The following ERICH3 variants were observed in gnomAD, a reference collection of about 807,000 sequenced individuals.
The protein encoded by ERICH3 is glutamate-rich protein 3.
In ERICH3, 126 loss-of-function variants were observed where a neutral mutation model predicts 131.1. That is an observed-to-expected ratio of 0.96 (90% CI 0.83 to 1.11). ERICH3 has a LOEUF of 1.11. ERICH3 is among the 50% of genes most tolerant of loss of function. ERICH3 has a pLI of 0.00. For synonymous variants in ERICH3, 695 were observed against 644.6 expected (o/e 1.08, Z -1.18); for missense variants, 2,050 against 1,810.7 (o/e 1.13, Z -2.40).
chr1:74,667,839 A>G (rs1206916797), intron 1 of ERICH3, among the ~76,000 whole-genome samples: 2 of 152,024 alleles, frequency 1.3e-5, no homozygotes, highest in Non-Finnish European at 2.9e-5. Flanking sequence ...CCCAAATCTC[A>G]TCTTCAATTT....
chr1:74,652,984 C>A (rs1314131917), intron 1 of ERICH3, among the ~76,000 whole-genome samples: 1 of 152,148 alleles, frequency 6.6e-6, no homozygotes, highest in African/African-American at 2.4e-5. Flanking sequence ...CACTTCAGTG[C>A]ACACACCACA....
At chr1:74,670,409 T>C (rs967600649) in intron 1 of ERICH3, among the ~76,000 whole-genome samples, 8 of 152,268 alleles carry the variant, frequency 5.3e-5, no homozygotes, top group Non-Finnish European at 8.8e-5. Flanking sequence ...TTACCCTTCC[T>C]AGCAATGCTA....
At position 74,599,787 on chromosome 1, in the gene ERICH3, T is replaced by A; in HGVS notation, c.1634A>T (p.Glu545Val). The A allele has an allele frequency of 6.2e-7, 1 of 1,612,594 alleles. No individual in the cohort carries two copies. The highest frequency in any genetic ancestry group is 8.5e-7 in the Non-Finnish European group (1 of 1,179,056). ...ATCTGGTGCCTTCTGTGATGAGGTT[T>A]CACTCTCTTTTTCAGGGTCTAAATT... Reference protein sequence around the residue: ...KDNLDPEKESETSSQKAPDAR... With the variant: ...KDNLDPEKESVTSSQKAPDAR... Residue 545 changes from glutamate (E) to valine (V), a missense_variant, in exon 11 of 15, where the codon GAA (glutamate) becomes GTA (valine). Transcript: ENST00000326665.
intron 12 of ERICH3, chr1:74,586,383 C>A: frequency 1.0e-6 from 1 of 973,224 alleles, no homozygotes; most frequent in Non-Finnish European, 1.2e-6. Flanking sequence ...TATCTACCTA[C>A]CTATAATTTC....
intron 11 of ERICH3, among the ~76,000 whole-genome samples, chr1:74,598,672 C>A (rs1277403233): frequency 6.6e-6 from 1 of 151,696 alleles, no homozygotes; most frequent in African/African-American, 2.4e-5. Flanking sequence ...GATGCTCAAC[C>A]CACCAGGAGT....
At position 74,650,877 on chromosome 1, in the gene ERICH3, T is replaced by C. The variant is rs1383007639; in HGVS notation, c.24-1562A>G. ...GTGTGTGTGTGTGTGTGTATACTTA[T>C]ATACACATAGAAAGAGAGAGAGAGA... On this transcript the variant is annotated intron_variant, in intron 1 of 14. Coordinates refer to ENST00000326665, the MANE Select transcript of ERICH3 (RefSeq NM_001002912.5). Among the ~76,000 whole-genome samples the C allele has an allele frequency of 2.6e-5, 4 of 150,998 alleles. No individual in the cohort carries two copies. In the South Asian group the frequency reaches 6.3e-4, roughly 24 times the overall value.
chr1:74,606,374 T>TC (rs1219815327), intron 10 of ERICH3, among the ~76,000 whole-genome samples: 4 of 151,888 alleles, frequency 2.6e-5, no homozygotes, highest in African/African-American at 9.7e-5. Flanking sequence ...TCTCTCCTCA[T>TC]CTCTGCAGCC....
chr1:74,653,440 GAGAA>G (rs1011952990), intron 1 of ERICH3, among the ~76,000 whole-genome samples: 3 of 150,984 alleles, frequency 2.0e-5, no homozygotes, highest in African/African-American at 7.3e-5. Flanking sequence ...AGAGAGAGAG[GAGAA>G]AGAGAGAGAG....
chr1:74,614,380 A>AT (rs1185844935), intron 8 of ERICH3, among the ~76,000 whole-genome samples: 1 of 151,090 alleles, frequency 6.6e-6, no homozygotes, highest in Non-Finnish European at 1.5e-5. Flanking sequence ...AAAAAAAAAA[A>AT]AAAAAAAAAC....
intron 12 of ERICH3, among the ~76,000 whole-genome samples, chr1:74,587,324 CA>C (rs11330631): frequency 0.21 from 12,029 of 56,508 alleles, 374 homozygotes; most frequent in African/African-American, 0.33. Context: ...GACTCCATCT[CA>C]AAAAAAAAAA....
At chr1:74,588,895 A>C (rs373427928) in intron 12 of ERICH3, among the ~76,000 whole-genome samples, 2 of 152,202 alleles carry the variant, frequency 1.3e-5, no homozygotes, top group African/African-American at 4.8e-5. Flanking sequence ...CAGGGATCAG[A>C]AAGTAACTCA....
chr1:74,643,929 A>C (rs1056874874), intron 3 of ERICH3, among the ~76,000 whole-genome samples: 1 of 152,124 alleles, frequency 6.6e-6, no homozygotes. Flanking sequence ...AAAGAAATGC[A>C]TGTTAACAGC....
chr1:74,572,960 T>G lies in ERICH3; in HGVS notation c.2750A>C (p.His917Pro). 6.2e-7 allele frequency: 1 copy of G among 1,614,140 alleles called. No individual in the cohort carries two copies. The highest frequency in any genetic ancestry group is 8.5e-7 in the Non-Finnish European group (1 of 1,180,012). Residue 917 changes from histidine (H) to proline (P), a missense_variant, in exon 14 of 15, where the codon CAT becomes CCT. Physicochemically the swap from His to Pro is moderately conservative, Grantham distance 77 (BLOSUM62 -2). Coordinates refer to ENST00000326665, the MANE Select transcript of ERICH3 (RefSeq NM_001002912.5). Reference sequence around the variant, plus strand: ...TGCCTCTCTCAGGGCTGCTACTTCATGAAGATGCTCCAAGTTCAGGGCTGC... The same window carrying G: ...TGCCTCTCTCAGGGCTGCTACTTCAGGAAGATGCTCCAAGTTCAGGGCTGC... ...EAAALNLEHL[H>P]EVAALREAAT...
intron 8 of ERICH3, among the ~76,000 whole-genome samples, chr1:74,618,069 A>G (rs1056745539): frequency 3.3e-5 from 5 of 152,132 alleles, no homozygotes; most frequent in East Asian, 1.9e-4. Flanking sequence ...TGGCTGAGAT[A>G]GGAAGATCAC....
chr1:74,633,745 T>C (rs1394960407), intron 6 of ERICH3, among the ~76,000 whole-genome samples: 16 of 152,092 alleles, frequency 1.1e-4, no homozygotes. Flanking sequence ...TCTGTTTCTT[T>C]ACACATATTG....
chr1:74,599,827 C>T lies in ERICH3; in HGVS notation c.1594G>A (p.Asp532Asn), dbSNP rs1292063195. The T allele has an allele frequency of 6.8e-6, 11 of 1,612,320 alleles. No individual in the cohort carries two copies. The highest frequency in any genetic ancestry group is 8.5e-6 in the Non-Finnish European group (10 of 1,178,896). The stretch of plus-strand genomic sequence containing the variant: ...GGGTCTAAATTATCTTTTTTATCAT[C>T]CAAAGGTGACTGCGGTATTCCATTC... ...QMNGIPQSPL[D>N]DKKDNLDPEK... Residue 532 changes from aspartate to asparagine, a missense_variant, in exon 11 of 15, where the codon GAT becomes AAT. Transcript: ENST00000326665.
At chr1:74,621,037 A>G in intron 7 of ERICH3, 123 bp from the exon 8 acceptor site, 1 of 763,834 alleles carries the variant, frequency 1.3e-6, no homozygotes, top group Non-Finnish European at 1.9e-6. Context: ...AAATCTAAAT[A>G]AAGTGTCAAT....
intron 12 of ERICH3, among the ~76,000 whole-genome samples, chr1:74,580,405 A>AT (rs1570812627): frequency 6.6e-6 from 1 of 152,166 alleles, no homozygotes; most frequent in East Asian, 1.9e-4. Flanking sequence ...ACTTATAATC[A>AT]TTTTTGCACA....
chr1:74,614,362 T>C (rs1648846091), intron 8 of ERICH3, among the ~76,000 whole-genome samples: 1 of 130,722 alleles, frequency 7.6e-6, no homozygotes, highest in Admixed American at 8.1e-5. Flanking sequence ...ACCACATTTT[T>C]TCCCTAAAAA....
Sources: gnomAD v4.1 joint callset for allele counts (sites outside exome capture counted in the v4.1 genomes callset) on GRCh38, gnomAD v4.1.1 for gene constraint, MANE v1.5 for transcripts, NCBI Gene and HGNC (gene_info 2026-07-23, HGNC 2026-07-21) for gene names.